KRAS: variants seen among roughly 807,000 people sequenced by gnomAD.
KRAS encodes KRas proto-oncogene, GTPase.
In KRAS, 1 loss-of-function variant was observed where a neutral mutation model predicts 21.0. The observed-to-expected ratio is 0.05, with a 90% CI of 0.02 to 0.23. KRAS has a LOEUF of 0.23. KRAS is among the 10% of genes least tolerant of loss of function. The probability of loss-of-function intolerance (pLI) is 1.00; values close to 1 mark genes in which losing one functional copy is unlikely to be tolerated. For synonymous variants in KRAS, 67 were observed against 72.5 expected (o/e 0.92, Z 0.39); for missense variants, 107 against 221.8 (o/e 0.48, Z 3.29).
intron 2 of KRAS, among the ~76,000 whole-genome samples, chr12:25,244,632 G>T (rs918349994): frequency 4.6e-5 from 7 of 151,902 alleles, no homozygotes; most frequent in African/African-American, 1.7e-4. Flanking sequence ...AAAAAAATCT[G>T]AAAATAATCC....
At chr12:25,249,809 G>C (rs866298049) in intron 1 of KRAS, among the ~76,000 whole-genome samples, 3 of 152,240 alleles carry the variant, frequency 2.0e-5, no homozygotes, top group South Asian at 4.2e-4. Context: ...GAAAGGACAA[G>C]AACAGGTAAA....
intron 4 of KRAS, among the ~76,000 whole-genome samples, chr12:25,220,270 T>C (rs1444077216): frequency 1.3e-5 from 2 of 152,178 alleles, no homozygotes; most frequent in Non-Finnish European, 2.9e-5. Flanking sequence ...ACTAGGAACA[T>C]AGGGACTACA....
Position 25,207,594 on chromosome 12 carries a change from A to G in KRAS, c.*2201T>C, listed in dbSNP as rs1473355379. On this transcript the variant is annotated 3_prime_UTR_variant, in exon 5 of 5. Coordinates refer to ENST00000311936, the MANE Select transcript of KRAS (RefSeq NM_004985.5). ...TCTGGTTACTAAAACAATGGAATGT[A>G]TTACTGTTACCAGGAGTAGTCCTAG... The G allele has an allele frequency of 4.4e-6, 1 of 229,600 alleles. No homozygotes were observed. The highest frequency in any genetic ancestry group is 8.6e-6 in the Non-Finnish European group (1 of 115,868). The allele number at this position is 229,600 out of a possible 1,614,324, so 14.2% of individuals were successfully genotyped here. A position where few individuals can be genotyped will look rare whatever the true frequency, so the allele number is the denominator to read the frequency against.
intron 2 of KRAS, among the ~76,000 whole-genome samples, chr12:25,243,737 A>G (rs1436171031): frequency 1.3e-5 from 2 of 152,198 alleles, no homozygotes; most frequent in Non-Finnish European, 2.9e-5. Context: ...TTCCTTTTAC[A>G]TCTGATTTAA....
At chr12:25,215,160 T>C (rs190654557) in intron 4 of KRAS, 111 of 467,242 alleles carry the variant, frequency 2.4e-4, no homozygotes, top group Admixed American at 2.9e-4. Flanking sequence ...TAAAGGTAAA[T>C]ATCAGTTTCC....
intron 4 of KRAS, among the ~76,000 whole-genome samples, chr12:25,221,724 G>GT (rs1951328191): frequency 2.0e-5 from 3 of 152,214 alleles, no homozygotes; most frequent in East Asian, 3.9e-4. Context: ...TGAATGTTTT[G>GT]TTCCTTTAAC....
At chr12:25,214,803 TA>T (rs1201670272) in intron 4 of KRAS, among the ~76,000 whole-genome samples, 1 of 152,180 alleles carries the variant, frequency 6.6e-6, no homozygotes, top group East Asian at 1.9e-4. Flanking sequence ...GGGCCTGAAC[TA>T]ATGATGACAT....
chr12:25,230,262 ATG>A (rs1951448587), intron 2 of KRAS, among the ~76,000 whole-genome samples: 1 of 152,220 alleles, frequency 6.6e-6, no homozygotes, highest in Non-Finnish European at 1.5e-5. Flanking sequence ...CAAATCTACT[ATG>A]TGTTTAAAAA....
intron 4 of KRAS, among the ~76,000 whole-genome samples, chr12:25,223,671 G>T (rs1157587764): frequency 6.6e-6 from 1 of 152,066 alleles, no homozygotes; most frequent in Non-Finnish European, 1.5e-5. Context: ...AGGTACATAT[G>T]CTCTCCTACT....
rs143735165 is a variant in KRAS at position 25,232,009 on chromosome 12, A to C, written c.112-4597T>G. ...ACGGCATTGGTTCCAAGACCCCCCC[A>C]GCCTCTAGTCCTACAGTTGGCCCAG... On this transcript the variant is annotated intron_variant, in intron 2 of 4. Coordinates refer to ENST00000311936, the MANE Select transcript of KRAS (RefSeq NM_004985.5). Among the ~76,000 whole-genome samples the C allele has an allele frequency of 8.3e-3, 1,260 of 151,876 alleles. 21 individuals are homozygous for C. The highest frequency in any genetic ancestry group is 0.028 in the African/African-American group (1,176 of 41,438).
chr12:25,222,690 C>CA (rs1359482941), intron 4 of KRAS, among the ~76,000 whole-genome samples: 1 of 151,826 alleles, frequency 6.6e-6, no homozygotes, highest in Non-Finnish European at 1.5e-5. Context: ...ACAAATCAAA[C>CA]AAAAAAACCC....
At chr12:25,211,999 T>C (rs1352612133) in intron 4 of KRAS, among the ~76,000 whole-genome samples, 2 of 152,204 alleles carry the variant, frequency 1.3e-5, no homozygotes, top group Non-Finnish European at 2.9e-5. Context: ...TGATTACATA[T>C]ATGTATGTGT....
At chr12:25,235,187 T>C in intron 2 of KRAS, 1 of 526,986 alleles carries the variant, frequency 1.9e-6, no homozygotes, top group Non-Finnish European at 3.6e-6. Flanking sequence ...CTTAATGTAT[T>C]AAGTATTGTA....
At chr12:25,244,283 A>C (rs769301750) in intron 2 of KRAS, among the ~76,000 whole-genome samples, 1 of 152,212 alleles carries the variant, frequency 6.6e-6, no homozygotes, top group Non-Finnish European at 1.5e-5. Flanking sequence ...AATAAATGCT[A>C]AAGTATTAGG....
chr12:25,246,753 A>T (rs1253114455), intron 1 of KRAS, among the ~76,000 whole-genome samples: 2 of 151,638 alleles, frequency 1.3e-5, no homozygotes, highest in African/African-American at 4.8e-5. Context: ...CGTCTCTACT[A>T]AAAATATAAA....
intron 4 of KRAS, among the ~76,000 whole-genome samples, chr12:25,213,573 T>C (rs1002807497): frequency 1.3e-5 from 2 of 152,216 alleles, no homozygotes; most frequent in Non-Finnish European, 2.9e-5. Context: ...CAGTCATGCT[T>C]TGTTTCTGAG....
chr12:25,215,091 TAAAAAAA>T (rs775121370), intron 4 of KRAS: 13 of 87,786 alleles, frequency 1.5e-4, no homozygotes, highest in East Asian at 6.2e-4. Context: ...TTCTCCCTAC[TAAAAAAA>T]AAAAAAAAAA....
chr12:25,236,902 G>A (rs986590602), intron 2 of KRAS, among the ~76,000 whole-genome samples: 2 of 152,038 alleles, frequency 1.3e-5, no homozygotes, highest in Non-Finnish European at 2.9e-5. Flanking sequence ...ATATACACCC[G>A]AGAGAAGTGA....
At chr12:25,219,489 C>T (rs1321004289) in intron 4 of KRAS, among the ~76,000 whole-genome samples, 3 of 152,166 alleles carry the variant, frequency 2.0e-5, no homozygotes, top group African/African-American at 7.2e-5. Context: ...TATGCTTTTA[C>T]TAAGAGATTT....
Sources: allele counts gnomAD v4.1 joint callset (sites outside exome capture counted in the v4.1 genomes callset), GRCh38; gene constraint gnomAD v4.1.1; transcripts MANE v1.5; gene names NCBI Gene and HGNC (gene_info 2026-07-23, HGNC 2026-07-21).